COLQ: variants seen among roughly 807,000 people sequenced by gnomAD.
COLQ encodes the protein collagen like tail subunit of asymmetric acetylcholinesterase, also known as acetylcholinesterase collagenic tail peptide.
COLQ carries 48 observed loss-of-function variants against 69.0 expected under a neutral mutation model. That is an observed-to-expected ratio of 0.70 (90% CI 0.55 to 0.88). COLQ has a LOEUF of 0.88. Among genes scored for constraint, COLQ ranks in the 40% least tolerant of loss-of-function variants. The pLI is 0.00. For missense variants in COLQ, 618 were observed against 594.6 expected, an observed-to-expected ratio of 1.04 and a Z score of -0.41; for synonymous variants, 217 against 211.2, an observed-to-expected ratio of 1.03 and a Z score of -0.24.
intron 1 of COLQ, among the ~76,000 whole-genome samples, chr3:15,519,355 G>C (rs2063105017): frequency 6.6e-6 from 1 of 152,230 alleles, no homozygotes; most frequent in Admixed American, 6.5e-5. Context: ...GCCAATGAGA[G>C]GCGCTGCCAA....
At chr3:15,521,428 G>A (rs2063135937) in intron 1 of COLQ, 92 bp downstream of exon 1, 1 of 1,534,750 alleles carries the variant, frequency 6.5e-7, no homozygotes, top group South Asian at 1.2e-5. Context: ...CAGTTGAATG[G>A]CAAAAACATC....
At chr3:15,497,089 G>A (rs1426259696) in intron 1 of COLQ, among the ~76,000 whole-genome samples, 2 of 144,262 alleles carry the variant, frequency 1.4e-5, no homozygotes, top group Non-Finnish European at 3.0e-5. Context: ...TATTGCCCAG[G>A]CTGGAGTGCA....
rs934976248 is a variant in COLQ at position 15,486,878 on chromosome 3, A to G, written c.321+1328T>C. 2.6e-5 allele frequency among the ~76,000 whole-genome samples: 4 copies of G among 152,210 alleles called. No individual in the cohort carries two copies. The East Asian group carries it at 7.7e-4, about 29-fold the overall frequency. On this transcript the variant is annotated intron_variant, in intron 3 of 16. Coordinates refer to ENST00000383788, the MANE Select transcript of COLQ (RefSeq NM_005677.4). ...TTTTCTTTAGAAGGCTACATTGTCA[A>G]TATCTTAGGCTTTGTGGGCCACATT...
At chr3:15,451,875 G>C (rs528897129) in intron 16 of COLQ, among the ~76,000 whole-genome samples, 162 bp from the exon 17 acceptor site, 4 of 152,278 alleles carry the variant, frequency 2.6e-5, no homozygotes, top group Non-Finnish European at 5.9e-5. Context: ...ATGTCTCTGG[G>C]ATTTTTGCCT....
chr3:15,512,683 ACACCAAGAGG>A (rs2125182497), intron 1 of COLQ, among the ~76,000 whole-genome samples: 1 of 151,698 alleles, frequency 6.6e-6, no homozygotes, highest in Non-Finnish European at 1.5e-5. Context: ...ATGTGTAGAG[ACACCAAGAGG>A]TTCTGGAAAG....
At chr3:15,476,945 G>A (rs2062389254) in intron 6 of COLQ, among the ~76,000 whole-genome samples, 181 bp downstream of exon 6, 1 of 152,236 alleles carries the variant, frequency 6.6e-6, no homozygotes, top group Non-Finnish European at 1.5e-5. Flanking sequence ...CACTGATCAA[G>A]GTCTTGCAGG....
chr3:15,480,811 G>T (rs1206707460), intron 3 of COLQ, among the ~76,000 whole-genome samples: 1 of 152,194 alleles, frequency 6.6e-6, no homozygotes, highest in Non-Finnish European at 1.5e-5. Flanking sequence ...GTGTAAAAGT[G>T]TTCCTATTTC....
intron 4 of COLQ, 98 bp downstream of exon 4, chr3:15,479,240 T>C (rs2062436349): frequency 7.5e-6 from 10 of 1,341,028 alleles, no homozygotes; most frequent in South Asian, 1.2e-5. Flanking sequence ...AGTTAGCACA[T>C]GTTTGGAAAT....
intron 8 of COLQ, 82 bp downstream of exon 8, chr3:15,474,843 G>A: frequency 6.7e-7 from 1 of 1,498,798 alleles, no homozygotes. Flanking sequence ...AGAGAGACCT[G>A]GACCCATTCT....
At chr3:15,453,799 G>T in intron 16 of COLQ, 30 bp downstream of exon 16, 1 of 1,386,778 alleles carries the variant, frequency 7.2e-7, no homozygotes, top group Non-Finnish European at 1.0e-6. Flanking sequence ...AGAAAGAAGG[G>T]GGAGAGGGAG....
chr3:15,513,230 A>G (rs1312305757), intron 1 of COLQ, among the ~76,000 whole-genome samples: 4 of 152,190 alleles, frequency 2.6e-5, no homozygotes, highest in African/African-American at 9.7e-5. Context: ...CTGCTGAGCT[A>G]TAACTGTTAC....
chr3:15,505,156 G>A (rs2062890640), intron 1 of COLQ, among the ~76,000 whole-genome samples: 1 of 152,206 alleles, frequency 6.6e-6, no homozygotes, highest in Admixed American at 6.5e-5. Context: ...ATGTCTAGGG[G>A]CCCCTGGAGC....
intron 1 of COLQ, among the ~76,000 whole-genome samples, chr3:15,508,181 G>A (rs2062936290): frequency 6.6e-6 from 1 of 151,956 alleles, no homozygotes; most frequent in African/African-American, 2.4e-5. Flanking sequence ...TCATTCATTT[G>A]TAACTTATTC....
chr3:15,494,913 A>G (rs2062723859), intron 1 of COLQ, among the ~76,000 whole-genome samples: 1 of 152,300 alleles, frequency 6.6e-6, no homozygotes, highest in South Asian at 2.1e-4. Flanking sequence ...TAAGTGATTC[A>G]CACATAGAAA....
At chr3:15,496,970 T>C (rs73816220) in intron 1 of COLQ, among the ~76,000 whole-genome samples, 34,291 of 151,792 alleles carry the variant, frequency 0.23, 3,985 homozygotes, top group African/African-American at 0.26. Context: ...TTACTCAATC[T>C]GAAACTTAGT....
Position 15,458,188 on chromosome 3 carries a change from C to T in COLQ, c.952G>A (p.Val318Met), listed in dbSNP as rs2062051242. Residue 318 changes from valine to methionine, a missense_variant and splice_region_variant, in exon 13 of 17, where the codon GTG (valine) becomes ATG (methionine). Coordinates refer to ENST00000383788, the MANE Select transcript of COLQ (RefSeq NM_005677.4). Reference sequence around the variant, plus strand: ...AGACTTCTCCCAGAAAGCCTTACCACAGGAACTCGCGGGGAACTGGGCCCA... The same window carrying T: ...AGACTTCTCCCAGAAAGCCTTACCATAGGAACTCGCGGGGAACTGGGCCCA... The part of the protein sequence containing the change: ...VYGPSSPRVP[V>M]IFVVNNQEEL... The T allele has an allele frequency of 6.2e-7, 1 of 1,613,468 alleles. No homozygotes were observed. The highest frequency in any genetic ancestry group is 1.1e-5 in the South Asian group (1 of 91,054).
At chr3:15,463,597 C>G (rs371848034) in intron 12 of COLQ, among the ~76,000 whole-genome samples, 1 of 152,182 alleles carries the variant, frequency 6.6e-6, no homozygotes, top group East Asian at 1.9e-4. Flanking sequence ...CTGCCCACCT[C>G]GGCCTTCCAA....
At chr3:15,460,157 AG>A (rs2062088754) in intron 12 of COLQ, among the ~76,000 whole-genome samples, 1 of 152,242 alleles carries the variant, frequency 6.6e-6, no homozygotes, top group South Asian at 2.1e-4. Flanking sequence ...TATTCCATCA[AG>A]GTTGATCTCC....
intron 12 of COLQ, among the ~76,000 whole-genome samples, chr3:15,464,291 T>A (rs901560382): frequency 6.6e-6 from 1 of 152,142 alleles, no homozygotes; most frequent in Non-Finnish European, 1.5e-5. Flanking sequence ...GCCTTGAAAA[T>A]GTTCTGATAC....
Sources: gnomAD v4.1 joint callset for allele counts (sites outside exome capture counted in the v4.1 genomes callset) on GRCh38, gnomAD v4.1.1 for gene constraint, MANE v1.5 for transcripts, NCBI Gene and HGNC (gene_info 2026-07-23, HGNC 2026-07-21) for gene names.